Variants in PLEKHN1 observed in about 807,000 individuals in gnomAD.
PLEKHN1 encodes the protein pleckstrin homology domain containing N1, also known as pleckstrin homology domain-containing family N member 1.
A neutral mutation model predicts 72.8 loss-of-function variants in PLEKHN1; 68 were observed. The ratio of observed to expected loss-of-function variants is 0.93; its 90% CI spans 0.77 to 1.14. The LOEUF (loss-of-function observed/expected upper bound fraction) is 1.14. PLEKHN1 is among the 50% of genes most tolerant of loss of function. The pLI is 0.00. For missense variants in PLEKHN1, 1,015 were observed against 840.5 expected, an observed-to-expected ratio of 1.21 and a Z score of -2.57; for synonymous variants, 454 against 371.6, an observed-to-expected ratio of 1.22 and a Z score of -2.55.
chr1:968,559 G>T (rs909888364), intron 2 of PLEKHN1, among the ~76,000 whole-genome samples: 1 of 152,186 alleles, frequency 6.6e-6, no homozygotes. Context: ...AGCAGTGAAC[G>T]GAATAGACAA....
At position 971,309 on chromosome 1, in the gene PLEKHN1, C is replaced by T; in HGVS notation, c.709-15C>T. The T allele has an allele frequency of 6.4e-7, 1 of 1,557,964 alleles. No homozygotes were observed. Among genetic ancestry groups the T allele is most frequent in the Non-Finnish European group, 8.7e-7 (1 of 1,149,588 alleles). On this transcript the variant is annotated splice_polypyrimidine_tract_variant and intron_variant, in intron 7 of 15. Transcript: ENST00000379410. ...TCAGTTCCCTCATCGCCTGACCCCA[C>T]CCCCACCCACCCAGGAGCAGTGGGA...
Position 966,625 on chromosome 1 carries a change from C to T in PLEKHN1, c.83+11C>T, listed in dbSNP as rs199652290. On this transcript the variant is annotated intron_variant, in intron 1 of 15. Coordinates refer to ENST00000379410, the MANE Select transcript of PLEKHN1 (RefSeq NM_032129.3). ...GCTGAAGGGAAACAGGTGAGCGGGG[C>T]GTGGGTGCGGCCACCTGGGCGCAGG... 816 of 1,605,572 alleles carry T rather than the reference C, an allele frequency of 5.1e-4. 8 individuals are homozygous for T. The East Asian group carries it at 0.016, about 31-fold the overall frequency.
intron 8 of PLEKHN1, chr1:971,664 CT>C: frequency 3.4e-6 from 2 of 595,372 alleles, no homozygotes; most frequent in Non-Finnish European, 6.0e-6. Flanking sequence ...CTCCCGGGGA[CT>C]CCCTTGTGTG....
At chr1:967,971 C>G (rs577290876) in intron 2 of PLEKHN1, among the ~76,000 whole-genome samples, 1 of 152,340 alleles carries the variant, frequency 6.6e-6, no homozygotes, top group East Asian at 1.9e-4. Flanking sequence ...GAGCTCTGGG[C>G]CAGTCCTAGA....
Position 973,489 on chromosome 1 carries a change from C to G in PLEKHN1, c.1294-11C>G. 1 of 1,612,168 alleles carries G rather than the reference C, an allele frequency of 6.2e-7. No homozygotes were observed. Among genetic ancestry groups the G allele is most frequent in the Non-Finnish European group, 8.5e-7 (1 of 1,179,770 alleles). On this transcript the variant is annotated splice_polypyrimidine_tract_variant and intron_variant, in intron 12 of 15. Coordinates refer to ENST00000379410, the MANE Select transcript of PLEKHN1 (RefSeq NM_032129.3). The stretch of plus-strand genomic sequence containing the variant: ...GCCGAGAAGCCCATTTCTCCCACCT[C>G]TGCCCTGCAGCTGCACAGGCTGAGC...
Position 975,365 on chromosome 1 carries a change from C to T in PLEKHN1, c.*790C>T, listed in dbSNP as rs1419280927. The T allele has an allele frequency of 3.3e-5, 5 of 152,478 alleles. No homozygotes were observed. The highest frequency in any genetic ancestry group is 9.7e-5 in the African/African-American group (4 of 41,440). 9.4% of individuals were successfully genotyped at this position (152,478 alleles called of 1,614,324 possible). A position where few individuals can be genotyped will look rare whatever the true frequency, so the allele number is the denominator to read the frequency against. On this transcript the variant is annotated 3_prime_UTR_variant, in exon 16 of 16. Coordinates refer to ENST00000379410, the MANE Select transcript of PLEKHN1 (RefSeq NM_032129.3). ...CCTTCCCACCTCATCTCTGACTCCT[C>T]TTGGCTGTGGGTCCCCAGCTGCCCC...
chr1:966,558 G>A lies in PLEKHN1; in HGVS notation c.27G>A (p.Gln9=). The part of the protein sequence containing the change: MGNSHCVP[Q]APRRLRASFS... ...TGGGGAACAGCCACTGTGTCCCTCA[G>A]GCCCCCAGGAGGCTCCGGGCCTCCT... Residue 9 remains glutamine (Q), a synonymous_variant, in exon 1 of 16, where the codon CAG becomes CAA. Transcript: ENST00000379410. 5 of 1,610,408 alleles carry A rather than the reference G, an allele frequency of 3.1e-6. No homozygotes were observed. Among genetic ancestry groups the A allele is most frequent in the East Asian group, 2.2e-5 (1 of 44,816 alleles).
At position 967,145 on chromosome 1, in the gene PLEKHN1, G is replaced by A. The variant is rs28570376; in HGVS notation, c.183+342G>A. ...CGTGCCGGCAGGTAGTGTCACTTGA[G>A]AGTAAGGGGCCTCAGATGAGCAGCG... On this transcript the variant is annotated intron_variant, in intron 2 of 15. Transcript: ENST00000379410. Among the ~76,000 whole-genome samples, 952 of 152,346 alleles carry A rather than the reference G, an allele frequency of 6.2e-3. 18 individuals are homozygous for A. Among genetic ancestry groups the A allele is most frequent in the African/African-American group, 0.021 (868 of 41,578 alleles).
rs1203322851 is a variant in PLEKHN1, at chr1:973,307, T to C, written c.1274T>C (p.Leu425Pro). The C allele has an allele frequency of 6.5e-7, 1 of 1,547,316 alleles. No homozygotes were observed. The part of the protein sequence containing the change: ...RAEGRGPVTP[L>P]HLDLTQLHRL... ...GAGGGCCGCGGCCCTGTCACCCCAC[T>C]GCACCTGGACCTGACCCAGGTGGGC... Residue 425 changes from leucine (L) to proline (P), a missense_variant, in exon 12 of 16, where the codon CTG (leucine) becomes CCG (proline). Transcript: ENST00000379410.
intron 2 of PLEKHN1, among the ~76,000 whole-genome samples, chr1:968,430 G>T (rs1023752044): frequency 6.6e-6 from 1 of 152,216 alleles, no homozygotes; most frequent in African/African-American, 2.4e-5. Context: ...TGCATTTGTA[G>T]AGGACTGTGT....
In PLEKHN1 at chr1:973,651, T is replaced by C; in HGVS notation, c.1434+11T>C. 6.2e-7 allele frequency: 1 copy of C among 1,611,170 alleles called. No homozygotes were observed. The highest frequency in any genetic ancestry group is 8.5e-7 in the Non-Finnish European group (1 of 1,179,652). The stretch of plus-strand genomic sequence containing the variant: ...CGGGGCCTGGAGGAGGTCAGGCCCC[T>C]GCTGGGTGACAGAAAGGGTGGGAGG... On this transcript the variant is annotated intron_variant, in intron 13 of 15. Coordinates refer to ENST00000379410, the MANE Select transcript of PLEKHN1 (RefSeq NM_032129.3).
rs1230093344 is a variant in PLEKHN1, at chr1:973,294, C to T, written c.1261C>T (p.Pro421Ser). The part of the protein sequence containing the change: ...GSKARAEGRG[P>S]VTPLHLDLTQ... The stretch of plus-strand genomic sequence containing the variant: ...CAAGGCCCGGGCAGAGGGCCGCGGC[C>T]CTGTCACCCCACTGCACCTGGACCT... Residue 421 changes from proline to serine, a missense_variant, in exon 12 of 16, where the codon CCT becomes TCT. By Grantham distance (74) the Pro-to-Ser change is moderately conservative (BLOSUM62 -1). Transcript: ENST00000379410. 1 of 1,545,048 alleles carries T rather than the reference C, an allele frequency of 6.5e-7. No individual in the cohort carries two copies. Among genetic ancestry groups the T allele is most frequent in the Non-Finnish European group, 8.8e-7 (1 of 1,141,390 alleles).
intron 1 of PLEKHN1, 32 bp from the exon 2 acceptor site, chr1:966,671 GC>G (rs1557641007): frequency 1.9e-6 from 3 of 1,580,418 alleles, no homozygotes; most frequent in South Asian, 2.3e-5. Context: ...CCGCTCCGGG[GC>G]CAAGCCACGA....
chr1:970,017 G>A lies in PLEKHN1; in HGVS notation c.184-260G>A, dbSNP rs1643223471. ...GTATGTGTTGTGTGGCTGTGCACAG[G>A]TTCTGTGCCTGTGGGGGGCTGTTCT... On this transcript the variant is annotated intron_variant, in intron 2 of 15. Coordinates refer to ENST00000379410, the MANE Select transcript of PLEKHN1 (RefSeq NM_032129.3). The surrounding 1 kb of genome is among the most constrained non-coding windows in gnomAD (Gnocchi z 4.2). Among the ~76,000 whole-genome samples the A allele has an allele frequency of 6.6e-6, 1 of 151,548 alleles. No individual in the cohort carries two copies. Among genetic ancestry groups the A allele is most frequent in the South Asian group, 2.1e-4 (1 of 4,784 alleles).
Position 970,539 on chromosome 1 carries a change from C to G in PLEKHN1, c.349C>G (p.Leu117Val), listed in dbSNP as rs1241902991. 1 of 1,613,072 alleles carries G rather than the reference C, an allele frequency of 6.2e-7. No individual in the cohort carries two copies. The highest frequency in any genetic ancestry group is 8.5e-7 in the Non-Finnish European group (1 of 1,179,986). The part of the protein sequence containing the change: ...QHSQDVSDCY[L>V]ELFPAHLYFQ... ...CGCGCAGGATGTCAGCGACTGCTAC[C>G]TGGAGCTATTCCCCGCCCACCTGTA... Residue 117 changes from leucine to valine, a missense_variant, in exon 4 of 16, where the codon CTG becomes GTG. Transcript: ENST00000379410. This position sits in a 1 kb window ranked among gnomAD's most constrained non-coding sequence, Gnocchi z 4.2.
At chr1:973,384 GTC>G in intron 12 of PLEKHN1, 58 bp downstream of exon 12, 1 of 1,558,258 alleles carries the variant, frequency 6.4e-7, no homozygotes, top group Non-Finnish European at 8.7e-7. Flanking sequence ...CGCACCACTG[GTC>G]TCTGTCTCTG....
rs962467926 is a variant in PLEKHN1, at chr1:975,701, C to T, written c.*1126C>T. ...AGGCCACCCTGTGTCCTCTCCCCTG[C>T]CTCTGCCCAGAGCTCCAGCCGGAGT... On this transcript the variant is annotated 3_prime_UTR_variant, in exon 16 of 16. Transcript: ENST00000379410. 1.2e-5 allele frequency: 2 copies of T among 161,020 alleles called. No homozygotes were observed. The highest frequency in any genetic ancestry group is 1.9e-4 in the East Asian group (1 of 5,300). The allele number at this position is 161,020 out of a possible 1,614,324, so 10.0% of individuals were successfully genotyped here. A position where few individuals can be genotyped will look rare whatever the true frequency, so the allele number is the denominator to read the frequency against.
At position 972,160 on chromosome 1, in the gene PLEKHN1, T is replaced by C. The variant is rs186774509; in HGVS notation, c.865+10T>C. 975 of 1,612,380 alleles carry C rather than the reference T, an allele frequency of 6.0e-4. 6 individuals are homozygous for C. The East Asian group carries it at 0.018, about 30-fold the overall frequency. On this transcript the variant is annotated intron_variant, in intron 9 of 15. Transcript: ENST00000379410. ...TCCTTCCTGATTGAAGGTAGGGCCC[T>C]GACCCTGGTTCTGCCTCCCGCCTGG...
In PLEKHN1 at chr1:973,859, T is replaced by C. The variant is rs530993551; in HGVS notation, c.1461T>C (p.Arg487=). ...TCCTCAGTGCCATGCAGAGTGCACG[T>C]GGACCCACGCCCTCGAGCCCACTCC... ...EEFLSAMQSA[R]GPTPSSPLPS... Residue 487 remains arginine (R), a synonymous_variant, in exon 14 of 16, where the codon CGT becomes CGC. Coordinates refer to ENST00000379410, the MANE Select transcript of PLEKHN1 (RefSeq NM_032129.3). 1 of 1,610,446 alleles carries C rather than the reference T, an allele frequency of 6.2e-7. No individual in the cohort carries two copies. Among genetic ancestry groups the C allele is most frequent in the East Asian group, 2.2e-5 (1 of 44,870 alleles).
Sources: gnomAD v4.1 joint callset for allele counts (sites outside exome capture counted in the v4.1 genomes callset) on GRCh38, gnomAD v4.1.1 for gene constraint, Gnocchi (gnomAD v3.1) non-coding constraint, MANE v1.5 for transcripts, NCBI Gene and HGNC (gene_info 2026-07-23, HGNC 2026-07-21) for gene names.